DNAAF5: variants seen among roughly 807,000 people sequenced by gnomAD.
DNAAF5 encodes the protein HEAT repeat containing 2.
DNAAF5 carries 64 observed loss-of-function variants against 75.8 expected under a neutral mutation model. The ratio of observed to expected loss-of-function variants is 0.84; its 90% CI spans 0.69 to 1.04. The LOEUF is 1.04. DNAAF5 is among the 50% of genes least tolerant of loss of function. DNAAF5 has a pLI of 0.00. For missense variants in DNAAF5, 1,269 were observed against 1,178.5 expected (o/e 1.08, Z -1.12); for synonymous variants, 657 against 557.2 (o/e 1.18, Z -2.52).
chr7:747,498 C>G (rs112718479), intron 4 of DNAAF5, among the ~76,000 whole-genome samples: 20 of 88,020 alleles, frequency 2.3e-4, no homozygotes, highest in Middle Eastern at 0.013. Flanking sequence ...GCTGTTTTTA[C>G]CGTGTCTGGC....
intron 8 of DNAAF5, among the ~76,000 whole-genome samples, chr7:765,904 G>A (rs538347330): frequency 6.6e-6 from 1 of 152,070 alleles, no homozygotes; most frequent in African/African-American, 2.4e-5. Context: ...TATGCTGCCA[G>A]GCTAGTCTTG....
chr7:781,407 T>G (rs1004179166), intron 12 of DNAAF5, among the ~76,000 whole-genome samples: 2 of 152,232 alleles, frequency 1.3e-5, no homozygotes, highest in African/African-American at 4.8e-5. Flanking sequence ...CACGTTTTCC[T>G]TCTCCCTTCA....
At chr7:755,667 G>A (rs1271422829) in intron 5 of DNAAF5, among the ~76,000 whole-genome samples, 1 of 152,128 alleles carries the variant, frequency 6.6e-6, no homozygotes, top group African/African-American at 2.4e-5. Flanking sequence ...GGAGTTTGAG[G>A]CCTCAGTGAG....
intron 8 of DNAAF5, among the ~76,000 whole-genome samples, chr7:765,663 C>T (rs1280230681): frequency 2.0e-5 from 3 of 152,098 alleles, no homozygotes; most frequent in African/African-American, 4.8e-5. Flanking sequence ...TGCAGTATGC[C>T]GTTCAGTGTC....
intron 2 of DNAAF5, among the ~76,000 whole-genome samples, chr7:736,416 T>C (rs762446264): frequency 1.3e-5 from 2 of 152,264 alleles, no homozygotes; most frequent in African/African-American, 2.4e-5. Context: ...TATTTAAAGT[T>C]GTTATATCCT....
rs78061606 is a variant in DNAAF5 at position 745,340 on chromosome 7, G to A, written c.1024+3875G>A. Among the ~76,000 whole-genome samples, 58 of 152,306 alleles carry A rather than the reference G, an allele frequency of 3.8e-4. No individual in the cohort carries two copies. In the East Asian group the frequency reaches 9.8e-3, roughly 26 times the overall value. On this transcript the variant is annotated intron_variant, in intron 4 of 12. Transcript: ENST00000297440. ...CCCGCTGTGCACCGGAGAGGGAGGCGGGGGGTCGGGGGGACTGTTTCTGGA... is the reference window on the plus strand; with the variant it reads ...CCCGCTGTGCACCGGAGAGGGAGGCAGGGGGTCGGGGGGACTGTTTCTGGA...
chr7:732,645 A>C (rs886334898), intron 2 of DNAAF5: 10 of 455,908 alleles, frequency 2.2e-5, no homozygotes, highest in Non-Finnish European at 4.4e-5. Flanking sequence ...CCTTCTTTTG[A>C]GAAATGTCTA....
rs1321440198 is a variant in DNAAF5 at position 727,067 on chromosome 7, G to A, written c.347G>A (p.Arg116His). The change falls in exon 1 of 13, where the codon CGC (arginine) becomes CAC (histidine). Residue 116 changes from arginine to histidine, a missense_variant. Transcript: ENST00000297440. ...RAARPRDALP[R>H]LLPALAARLA... ...GCGCGGCCCCGCGATGCCCTGCCGC[G>A]CCTGCTGCCCGCGCTCGCCGCGCGC... The A allele has an allele frequency of 8.5e-6, 9 of 1,056,048 alleles. No individual in the cohort carries two copies. Among genetic ancestry groups the A allele is most frequent in the Non-Finnish European group, 1.0e-5 (9 of 878,224 alleles). 65.4% of individuals were successfully genotyped at this position (1,056,048 alleles called of 1,614,324 possible).
At chr7:742,851 AAT>A (rs757433671) in intron 4 of DNAAF5, among the ~76,000 whole-genome samples, 40 of 68,748 alleles carry the variant, frequency 5.8e-4, no homozygotes, top group South Asian at 2.8e-3. Context: ...AGCTCAAATC[AAT>A]CATGCCCAGC....
intron 9 of DNAAF5, chr7:772,143 G>C (rs1251403993): frequency 6.6e-6 from 1 of 152,312 alleles, no homozygotes. Flanking sequence ...AGAGGGCTGA[G>C]GGCTGCGTCT....
At position 761,870 on chromosome 7, in the gene DNAAF5, GCAGGTGCTA is replaced by G. The variant is rs1562391067; in HGVS notation, c.1590_1598del (p.Ala532_Gly534del). On this transcript the variant is annotated inframe_deletion, in exon 7 of 13. Transcript: ENST00000297440. ...CGTGCTGCTGACAATAGTGGCCCTC[GCAGGTGCTA>G]CCGGCCTGAGGGACAAGGTAAGGCT... is the stretch of plus-strand genomic sequence containing the variant. 6.3e-7 allele frequency: 1 copy of G among 1,583,826 alleles called. No individual in the cohort carries two copies.
At position 775,019 on chromosome 7, in the gene DNAAF5, A is replaced by G. The variant is rs915069252; in HGVS notation, c.2096A>G (p.Gln699Arg). Residue 699 changes from glutamine to arginine, a missense_variant, in exon 11 of 13, where the codon CAG (glutamine) becomes CGG (arginine). Coordinates refer to ENST00000297440, the MANE Select transcript of DNAAF5 (RefSeq NM_017802.4). The stretch of plus-strand genomic sequence containing the variant: ...TGCTGATTGCAGATACGGGACGTGC[A>G]GGAAACACTGATGCCCCAGGTCCTG... ...VLSAEQIRDVQETLMPQVLTT... is the reference protein window; with the variant it reads ...VLSAEQIRDVRETLMPQVLTT... The G allele has an allele frequency of 6.2e-7, 1 of 1,613,902 alleles. No homozygotes were observed. The highest frequency in any genetic ancestry group is 2.2e-5 in the East Asian group (1 of 44,896).
intron 2 of DNAAF5, among the ~76,000 whole-genome samples, chr7:739,621 C>T (rs140867097): frequency 1.2e-4 from 18 of 152,332 alleles, no homozygotes; most frequent in African/African-American, 3.8e-4. Context: ...GCGCACCGCA[C>T]GGGCAGCGGG....
rs1327498994 is a variant in DNAAF5 at position 754,819 on chromosome 7, A to G, written c.1255A>G (p.Ser419Gly). Residue 419 changes from serine to glycine, a missense_variant and splice_region_variant, in exon 5 of 13, where the codon AGT (serine) becomes GGT (glycine). Physicochemically the swap from Ser to Gly is moderately conservative, Grantham distance 56. Coordinates refer to ENST00000297440, the MANE Select transcript of DNAAF5 (RefSeq NM_017802.4). This position sits in a 1 kb window ranked among gnomAD's most constrained non-coding sequence, Gnocchi z 4.8. ...CTDEEAAVVQSCTRSAELVGT... is the reference protein window; with the variant it reads ...CTDEEAAVVQGCTRSAELVGT... ...CGACGAGGAGGCAGCCGTGGTCCAA[A>G]GTGTAAGTGGCCGTATTCCAGTCGT... 1.9e-6 allele frequency: 3 copies of G among 1,600,304 alleles called. No individual in the cohort carries two copies. The highest frequency in any genetic ancestry group is 3.4e-4 in the Middle Eastern group (2 of 5,830).
At position 746,296 on chromosome 7, in the gene DNAAF5, G is replaced by A. The variant is rs374970906; in HGVS notation, c.1024+4831G>A. On this transcript the variant is annotated intron_variant, in intron 4 of 12. Transcript: ENST00000297440. Reference sequence around the variant, plus strand: ...GCCCCCCCCTGCCCGCTGGGCCCAGGCTCTGTGTCCTCACTTTCCCCCGCC... The same window carrying A: ...GCCCCCCCCTGCCCGCTGGGCCCAGACTCTGTGTCCTCACTTTCCCCCGCC... Among the ~76,000 whole-genome samples the A allele has an allele frequency of 7.0e-5, 8 of 114,722 alleles. 1 individual carries two copies. In the East Asian group the frequency reaches 1.6e-3, roughly 23 times the overall value. 75.3% of individuals were successfully genotyped at this position (114,722 alleles called of 152,430 possible). A position where few individuals can be genotyped will look rare whatever the true frequency, so the allele number is the denominator to read the frequency against.
chr7:760,813 G>T (rs963733288), intron 6 of DNAAF5, among the ~76,000 whole-genome samples: 9 of 152,222 alleles, frequency 5.9e-5, no homozygotes, highest in African/African-American at 2.2e-4. Flanking sequence ...CAGCGCAGCC[G>T]TAGGTGCAGA....
intron 9 of DNAAF5, 54 bp downstream of exon 9, chr7:770,672 TC>T: frequency 6.5e-7 from 1 of 1,550,252 alleles, no homozygotes. Context: ...GGGCCAGGGG[TC>T]CCCATCTCCC....
intron 8 of DNAAF5, 124 bp from the exon 9 acceptor site, chr7:770,347 C>G: frequency 2.7e-6 from 2 of 748,960 alleles, no homozygotes; most frequent in Admixed American, 2.9e-5. Flanking sequence ...AAAGAGGAAG[C>G]GGGGAGGTGG....
intron 4 of DNAAF5, among the ~76,000 whole-genome samples, chr7:749,737 C>T (rs552659150): frequency 1.3e-5 from 2 of 152,156 alleles, no homozygotes; most frequent in South Asian, 2.1e-4. Context: ...GCTCTGTCAC[C>T]CAGGCTGGAG....
Sources: allele counts gnomAD v4.1 joint callset (sites outside exome capture counted in the v4.1 genomes callset), GRCh38; gene constraint gnomAD v4.1.1; non-coding constraint Gnocchi (gnomAD v3.1); transcripts MANE v1.5; gene names NCBI Gene and HGNC (gene_info 2026-07-23, HGNC 2026-07-21).